The following SIN3A variants were observed in gnomAD, a reference collection of about 807,000 sequenced individuals.
The protein encoded by SIN3A is paired amphipathic helix protein Sin3a.
In SIN3A, 14 loss-of-function variants were observed where a neutral mutation model predicts 146.1. The observed-to-expected ratio is 0.10, with a 90% CI of 0.06 to 0.15. The LOEUF (loss-of-function observed/expected upper bound fraction) is 0.15. Among genes scored for constraint, SIN3A ranks in the 10% least tolerant of loss-of-function variants. SIN3A has a pLI of 1.00. For synonymous variants in SIN3A, 572 were observed against 572.0 expected, an observed-to-expected ratio of 1.00 and a Z score of 0.00; for missense variants, 1,028 against 1,576.0, an observed-to-expected ratio of 0.65 and a Z score of 5.89.
At chr15:75,414,178 G>A (rs763086932) in intron 4 of SIN3A, 27 bp downstream of exon 4, 8 of 1,192,568 alleles carry the variant, frequency 6.7e-6, no homozygotes, top group Admixed American at 3.9e-5. Context: ...CAGATACAAA[G>A]CTTGAGTACA....
intron 1 of SIN3A, among the ~76,000 whole-genome samples, chr15:75,446,995 C>T (rs2074319376): frequency 6.6e-6 from 1 of 152,010 alleles, no homozygotes; most frequent in South Asian, 2.1e-4. Flanking sequence ...TCTCAATCTC[C>T]TGACCTCGTG....
intron 12 of SIN3A, among the ~76,000 whole-genome samples, chr15:75,398,853 C>CA (rs920968512): frequency 6.6e-6 from 1 of 150,952 alleles, no homozygotes; most frequent in Non-Finnish European, 1.5e-5. Flanking sequence ...CTATAAAAAA[C>CA]AAAAAATTAG....
In SIN3A at chr15:75,371,945, C is replaced by A; in HGVS notation, c.*34G>T. On this transcript the variant is annotated 3_prime_UTR_variant, in exon 21 of 21. Transcript: ENST00000394947. The stretch of plus-strand genomic sequence containing the variant: ...GCATAGGCCCACACACACATCCCCA[C>A]ACACACCCCAAGTTATCTGCTCTGG... The A allele has an allele frequency of 6.3e-7, 1 of 1,591,376 alleles. No individual in the cohort carries two copies. The highest frequency in any genetic ancestry group is 8.6e-7 in the Non-Finnish European group (1 of 1,159,696).
intron 19 of SIN3A, among the ~76,000 whole-genome samples, chr15:75,376,878 A>T (rs1221828550): frequency 7.5e-6 from 1 of 132,950 alleles, no homozygotes; most frequent in Non-Finnish European, 1.6e-5. Context: ...AAAAAAAAAA[A>T]AAAAACCAAC....
intron 9 of SIN3A, among the ~76,000 whole-genome samples, chr15:75,403,856 C>G (rs550591841): frequency 6.6e-6 from 1 of 152,240 alleles, no homozygotes; most frequent in Non-Finnish European, 1.5e-5. Flanking sequence ...TGTTGCCTCT[C>G]TTAACATGTT....
intron 3 of SIN3A, chr15:75,415,965 G>T: frequency 3.0e-6 from 1 of 334,904 alleles, no homozygotes; most frequent in Non-Finnish European, 5.8e-6. Flanking sequence ...GCAGGAAATG[G>T]AGATGCCAAA....
chr15:75,384,435 C>G lies in SIN3A; in HGVS notation c.3024G>C (p.Leu1008=). Residue 1008 remains leucine (L), a splice_region_variant and synonymous_variant, in exon 17 of 21, where the codon CTG becomes CTC. Coordinates refer to ENST00000394947, the MANE Select transcript of SIN3A (RefSeq NM_001145358.2). ...AGATCTCATCACTCACGATATGCTG[C>G]AGCTGGAAGCAAACAAAGGCAAGCT... ...DKLIQSIVRQ[L]QHIVSDEICV... 1.2e-6 allele frequency: 2 copies of G among 1,603,034 alleles called. No individual in the cohort carries two copies. Among genetic ancestry groups the G allele is most frequent in the Middle Eastern group, 1.8e-4 (1 of 5,608 alleles).
In SIN3A at chr15:75,370,540, A is replaced by G. The variant is rs952672586; in HGVS notation, c.*1439T>C. ...TTTAAATTTATGTAATTAAAAAAAT[A>G]GGTATCCCATTTCAAATTCTCTCCC... On this transcript the variant is annotated 3_prime_UTR_variant, in exon 21 of 21. Coordinates refer to ENST00000394947, the MANE Select transcript of SIN3A (RefSeq NM_001145358.2). 1 of 152,220 alleles carries G rather than the reference A, an allele frequency of 6.6e-6. No homozygotes were observed. Among genetic ancestry groups the G allele is most frequent in the Non-Finnish European group, 1.5e-5 (1 of 68,048 alleles). The allele number at this position is 152,220 out of a possible 1,614,324, so 9.4% of individuals were successfully genotyped here. A position where few individuals can be genotyped will look rare whatever the true frequency, so the allele number is the denominator to read the frequency against.
At position 75,370,130 on chromosome 15, in the gene SIN3A, C is replaced by A. The variant is rs1245719517; in HGVS notation, c.*1849G>T. 6.6e-6 allele frequency: 1 copy of A among 152,176 alleles called. No homozygotes were observed. Among genetic ancestry groups the A allele is most frequent in the Non-Finnish European group, 1.5e-5 (1 of 68,070 alleles). 9.4% of individuals were successfully genotyped at this position (152,176 alleles called of 1,614,324 possible). A position where few individuals can be genotyped will look rare whatever the true frequency, so the allele number is the denominator to read the frequency against. ...CTGGGCGTGGTGGCATGCAGCTACT[C>A]AGGAGGCCGAGGTGGGAGGACTGCT... On this transcript the variant is annotated 3_prime_UTR_variant, in exon 21 of 21. Transcript: ENST00000394947.
chr15:75,432,121 C>A, intron 1 of SIN3A, among the ~76,000 whole-genome samples: 1 of 152,098 alleles, frequency 6.6e-6, no homozygotes, highest in South Asian at 2.1e-4. Flanking sequence ...CATGAAATAG[C>A]ATGTTTAGCT....
intron 12 of SIN3A, among the ~76,000 whole-genome samples, chr15:75,396,975 G>A (rs569144505): frequency 6.6e-6 from 1 of 152,030 alleles, no homozygotes; most frequent in Non-Finnish European, 1.5e-5. Flanking sequence ...AGAGTTTTTT[G>A]GTTTAACTTG....
upstream of SIN3A, chr15:75,453,924 C>A (rs1319095011): frequency 6.6e-6 from 1 of 152,394 alleles, no homozygotes; most frequent in Non-Finnish European, 1.5e-5. Flanking sequence ...TCCCCGCCCC[C>A]CTCGCCAAGG....
chr15:75,413,116 GT>G (rs1006747414), intron 4 of SIN3A, 71 bp from the exon 5 acceptor site: 58 of 1,432,128 alleles, frequency 4.0e-5, no homozygotes, highest in East Asian at 1.8e-4. Context: ...AAAATTTCAT[GT>G]TTTTTTTTCT....
At chr15:75,417,146 A>G (rs1026281306) in intron 3 of SIN3A, among the ~76,000 whole-genome samples, 8 of 151,960 alleles carry the variant, frequency 5.3e-5, no homozygotes, top group Non-Finnish European at 1.2e-4. Flanking sequence ...TGGGGGAGAA[A>G]AAAAACTGAC....
At chr15:75,403,150 C>T in intron 9 of SIN3A, among the ~76,000 whole-genome samples, 1 of 151,834 alleles carries the variant, frequency 6.6e-6, no homozygotes, top group East Asian at 2.0e-4. Context: ...CAGCTGGGCG[C>T]AGTGGCTCAC....
chr15:75,392,850 A>T, intron 14 of SIN3A, 35 bp from the exon 15 acceptor site: 2 of 1,455,228 alleles, frequency 1.4e-6, no homozygotes, highest in Non-Finnish European at 1.9e-6. Flanking sequence ...ATTCTGTGAG[A>T]TGTCTACAGC....
intron 19 of SIN3A, chr15:75,376,092 C>CAG: frequency 1.7e-6 from 1 of 584,662 alleles, no homozygotes; most frequent in South Asian, 2.1e-5. Context: ...CTTGACTTAG[C>CAG]AGATGTAGCC....
At position 75,418,394 on chromosome 15, in the gene SIN3A, C is replaced by T. The variant is rs1595912203; in HGVS notation, c.367-4083G>A. On this transcript the variant is annotated intron_variant, in intron 3 of 20. Coordinates refer to ENST00000394947, the MANE Select transcript of SIN3A (RefSeq NM_001145358.2). ...AGGCTGGAGTGCAGTGGCACAAATT[C>T]GGCTCACTGCAACTTCCACCTCCTG... Among the ~76,000 whole-genome samples, 5 of 152,158 alleles carry T rather than the reference C, an allele frequency of 3.3e-5. No individual in the cohort carries two copies. The East Asian group carries it at 5.8e-4, about 18-fold the overall frequency.
intron 2 of SIN3A, among the ~76,000 whole-genome samples, chr15:75,427,016 C>G (rs183670235): frequency 1.2e-4 from 18 of 152,086 alleles, no homozygotes; most frequent in East Asian, 5.8e-4. Flanking sequence ...AAGAAATTCA[C>G]CAGTGGGAGA....
Sources: gnomAD v4.1 joint callset for allele counts (sites outside exome capture counted in the v4.1 genomes callset) on GRCh38, gnomAD v4.1.1 for gene constraint, MANE v1.5 for transcripts, NCBI Gene and HGNC (gene_info 2026-07-23, HGNC 2026-07-21) for gene names.